Variants in PLIN4 observed in about 807,000 individuals in gnomAD.
PLIN4 encodes the protein perilipin-4.
PLIN4 carries 57 observed loss-of-function variants against 52.4 expected under a neutral mutation model. The ratio of observed to expected loss-of-function variants is 1.09; its 90% CI spans 0.88 to 1.36. The LOEUF (loss-of-function observed/expected upper bound fraction) is 1.36. Ranked by LOEUF, PLIN4 falls within the 40% of genes most tolerant of loss-of-function variation. The probability of loss-of-function intolerance (pLI) is 0.00; values close to 1 mark genes in which losing one functional copy is unlikely to be tolerated. For synonymous variants in PLIN4, 826 were observed against 785.4 expected (o/e 1.05, Z -0.86); for missense variants, 1,757 against 1,770.3 (o/e 0.99, Z 0.13).
In PLIN4 at chr19:4,511,548, G is replaced by A. The variant is rs368212787; in HGVS notation, c.2412C>T (p.Thr804=). The A allele has an allele frequency of 8.2e-5, 122 of 1,479,310 alleles. No homozygotes were observed. The South Asian group carries it at 1.2e-3, about 14-fold the overall frequency. The allele number at this position is 1,479,310 out of a possible 1,614,324, so 91.6% of individuals were successfully genotyped here. A position where few individuals can be genotyped will look rare whatever the true frequency, so the allele number is the denominator to read the frequency against. ...GTKDAVCSGV[T]GAANVAKGAV... is the part of the protein sequence containing the mutation. ...CCCCCTTGGCCACATTCGCAGCACC[G>A]GTCACCCCACTGCACACAGCATCCT... Residue 804 remains threonine (T), a synonymous_variant, in exon 5 of 8, where the codon ACC becomes ACT. Transcript: ENST00000301286.
At chr19:4,507,771 T>G (rs191958810) in intron 6 of PLIN4, among the ~76,000 whole-genome samples, 2 of 152,080 alleles carry the variant, frequency 1.3e-5, no homozygotes, top group Non-Finnish European at 2.9e-5. Context: ...AGAGGAAATG[T>G]TGGCCCTCAG....
rs200701465 is a variant in PLIN4, at chr19:4,511,698, A to G, written c.2262T>C (p.Thr754=). The G allele has an allele frequency of 7.2e-6, 7 of 965,736 alleles. No homozygotes were observed. The highest frequency in any genetic ancestry group is 2.1e-5 in the African/African-American group (1 of 47,998). 59.8% of individuals were successfully genotyped at this position (965,736 alleles called of 1,614,324 possible). A position where few individuals can be genotyped will look rare whatever the true frequency, so the allele number is the denominator to read the frequency against. ...AKGAIQGGLD[T]TKSVLTGTKD... ...TAGTGCCAGTCAGGACAGACTTTGT[A>G]GTGTCCAGGCCCCCTTGGATGGCCC... is the stretch of plus-strand genomic sequence containing the variant. The change falls in exon 5 of 8, where the codon ACT becomes ACC. Residue 754 remains threonine, a synonymous_variant. Coordinates refer to ENST00000301286, the MANE Select transcript of PLIN4 (RefSeq NM_001367868.2).
chr19:4,510,688 C>G lies in PLIN4; in HGVS notation c.3272G>C (p.Gly1091Ala). ...GAGCACATCCGGGGGCGTGGAGATG[C>G]CAGAGAACGGGGCCTCTTGGGGGCT... is the stretch of plus-strand genomic sequence containing the variant. The part of the protein sequence containing the change: ...ALSPQEAPFS[G>A]ISTPPDVLSV... Residue 1091 changes from glycine to alanine, a missense_variant, in exon 5 of 8, where the codon GGC (glycine) becomes GCC (alanine). Around this residue, in one of 7 missense-constraint regions of PLIN4, gnomAD observed 712 missense variants for 637.1 expected, o/e 1.12. Coordinates refer to ENST00000301286, the MANE Select transcript of PLIN4 (RefSeq NM_001367868.2). The G allele has an allele frequency of 2.0e-6, 3 of 1,521,198 alleles. No individual in the cohort carries two copies. Among genetic ancestry groups the G allele is most frequent in the Non-Finnish European group, 8.8e-7 (1 of 1,138,010 alleles). The allele number at this position is 1,521,198 out of a possible 1,614,324, so 94.2% of individuals were successfully genotyped here.
intron 6 of PLIN4, among the ~76,000 whole-genome samples, chr19:4,506,361 G>T (rs1294878476): frequency 1.3e-5 from 2 of 152,140 alleles, no homozygotes; most frequent in African/African-American, 2.4e-5. Context: ...CCATTCTGAC[G>T]CACTCCCTCT....
At chr19:4,518,122 C>T (rs117199204) in intron 2 of PLIN4, 100 bp downstream of exon 2, 17,447 of 1,038,024 alleles carry the variant, frequency 0.017, 179 homozygotes, top group Middle Eastern at 0.044. Flanking sequence ...CAGGGAAGCA[C>T]CTCTCCAGAT....
intron 6 of PLIN4, among the ~76,000 whole-genome samples, chr19:4,505,989 A>G (rs1976081632): frequency 1.3e-5 from 2 of 151,744 alleles, no homozygotes; most frequent in African/African-American, 4.8e-5. Context: ...TGACTTCGAA[A>G]CACCCAGAGC....
At position 4,511,026 on chromosome 19, in the gene PLIN4, G is replaced by A. The variant is rs77772720; in HGVS notation, c.2934C>T (p.Thr978=). 0.016 allele frequency: 26,555 copies of A among 1,613,116 alleles called. 372 individuals carry two copies. The highest frequency in any genetic ancestry group is 0.045 in the South Asian group (4,083 of 91,064). The change falls in exon 5 of 8, where the codon ACC becomes ACT. Residue 978 remains threonine (T), a synonymous_variant. Transcript: ENST00000301286. ...TGGAGGCGTCCACGCCGGTCTGCAC[G>A]GTTCCTTTGGCCACATTCACTGCCC... The part of the protein sequence containing the change: ...VTGAVNVAKG[T]VQTGVDASKA...
chr19:4,511,037 C>A lies in PLIN4; in HGVS notation c.2923G>T (p.Ala975Ser). The A allele has an allele frequency of 6.2e-7, 1 of 1,613,476 alleles. No homozygotes were observed. The highest frequency in any genetic ancestry group is 8.5e-7 in the Non-Finnish European group (1 of 1,179,864). Residue 975 changes from alanine (A) to serine (S), a missense_variant, in exon 5 of 8, where the codon GCC (alanine) becomes TCC (serine). Physicochemically the swap from Ala to Ser is moderately conservative, Grantham distance 99. Coordinates refer to ENST00000301286, the MANE Select transcript of PLIN4 (RefSeq NM_001367868.2). ...ACGCCGGTCTGCACGGTTCCTTTGG[C>A]CACATTCACTGCCCCCGTGACTCCA... The part of the protein sequence containing the change: ...TTGVTGAVNV[A>S]KGTVQTGVDA...
At position 4,512,170 on chromosome 19, in the gene PLIN4, G is replaced by C. The variant is rs372544627; in HGVS notation, c.1790C>G (p.Thr597Ser). ...VDTAKTVLTG[T>S]KDTVTTGLVG... The stretch of plus-strand genomic sequence containing the variant: ...GAGCCCAGTAGTCACTGTGTCCTTG[G>C]TGCCGGTCAGCACGGTCTTGGCTGT... The change falls in exon 5 of 8, where the codon ACC becomes AGC. Residue 597 changes from threonine to serine, a missense_variant. Physicochemically the swap from Thr to Ser is moderately conservative, Grantham distance 58. Around this residue, in one of 7 missense-constraint regions of PLIN4, gnomAD observed 439 missense variants for 406.4 expected, o/e 1.08. Transcript: ENST00000301286. 1.9e-6 allele frequency: 3 copies of C among 1,611,340 alleles called. No individual in the cohort carries two copies. The highest frequency in any genetic ancestry group is 2.7e-5 in the African/African-American group (2 of 73,656).
intron 6 of PLIN4, 68 bp from the exon 7 acceptor site, chr19:4,505,015 C>T: frequency 7.0e-7 from 1 of 1,432,550 alleles, no homozygotes; most frequent in Non-Finnish European, 9.5e-7. Context: ...CCCCACCTCC[C>T]CCTCCCCCAG....
chr19:4,518,187 C>G (rs1398196790), intron 2 of PLIN4, 35 bp downstream of exon 2: 17 of 1,231,736 alleles, frequency 1.4e-5, no homozygotes, highest in Non-Finnish European at 1.7e-5. Context: ...CATCTCCAGG[C>G]CCCAGCAAGA....
At chr19:4,510,075 G>C (rs1404107428) in intron 5 of PLIN4, among the ~76,000 whole-genome samples, 2 of 140,370 alleles carry the variant, frequency 1.4e-5, no homozygotes, top group Admixed American at 7.1e-5. Context: ...TAAAAAAAAA[G>C]TCAAGGGCCC....
In PLIN4 at chr19:4,513,689, C is replaced by G; in HGVS notation, c.271G>C (p.Ala91Pro). The G allele has an allele frequency of 6.3e-7, 1 of 1,576,910 alleles. No individual in the cohort carries two copies. Among genetic ancestry groups the G allele is most frequent in the South Asian group, 1.2e-5 (1 of 85,350 alleles). ...LQPSEKMVSG[A>P]KDLVCSKMSR... ...ATCTTGGAACACACCAGGTCTTTGG[C>G]CCCGGACACCATCTGCTGAGAAAGG... Residue 91 changes from alanine to proline, a missense_variant, in exon 5 of 8, where the codon GCC becomes CCC. Coordinates refer to ENST00000301286, the MANE Select transcript of PLIN4 (RefSeq NM_001367868.2).
chr19:4,510,869 A>C lies in PLIN4; in HGVS notation c.3091T>G (p.Ser1031Ala). 6.2e-7 allele frequency: 1 copy of C among 1,613,208 alleles called. No individual in the cohort carries two copies. The highest frequency in any genetic ancestry group is 8.5e-7 in the Non-Finnish European group (1 of 1,179,694). ...TTCCCTGACCCCATGAGCCCAGCGG[A>C]CACTGCGTCTTTGGTTCCGGTCAGC... ...TVLTGTKDAV[S>A]AGLMGSGNVA... is the part of the protein sequence containing the mutation. The change falls in exon 5 of 8, where the codon TCC becomes GCC. Residue 1031 changes from serine to alanine, a missense_variant. Coordinates refer to ENST00000301286, the MANE Select transcript of PLIN4 (RefSeq NM_001367868.2).
chr19:4,510,786 A>G lies in PLIN4; in HGVS notation c.3174T>C (p.Ser1058=). ...GTCCACCCCAGGAGGTGGCGGGGGT[A>G]CTAGGTAACCAGTTCTGGAAGGTGC... ...GLSTFQNWLP[S]TPATSWGGLT... Residue 1058 remains serine, a synonymous_variant, in exon 5 of 8, where the codon AGT becomes AGC. Coordinates refer to ENST00000301286, the MANE Select transcript of PLIN4 (RefSeq NM_001367868.2). The G allele has an allele frequency of 6.3e-7, 1 of 1,591,270 alleles. No homozygotes were observed. The highest frequency in any genetic ancestry group is 8.6e-7 in the Non-Finnish European group (1 of 1,165,738).
chr19:4,502,270 C>G lies in PLIN4; in HGVS notation c.*2189G>C, dbSNP rs13041. ...GGTGCAGTGGGGGCCTGAGCTGGGGCGCAGGCGGCAGTGTCACTGGGCCCG... is the reference window on the plus strand; with the variant it reads ...GGTGCAGTGGGGGCCTGAGCTGGGGGGCAGGCGGCAGTGTCACTGGGCCCG... On this transcript the variant is annotated 3_prime_UTR_variant, in exon 8 of 8. Transcript: ENST00000301286. 3.6e-6 allele frequency: 2 copies of G among 560,640 alleles called. No homozygotes were observed. The highest frequency in any genetic ancestry group is 6.5e-6 in the Non-Finnish European group (2 of 308,936). The allele number at this position is 560,640 out of a possible 1,614,324, so 34.7% of individuals were successfully genotyped here.
At chr19:4,507,737 C>T (rs762079973) in intron 6 of PLIN4, among the ~76,000 whole-genome samples, 5 of 152,148 alleles carry the variant, frequency 3.3e-5, no homozygotes, top group Non-Finnish European at 7.3e-5. Context: ...AGATTTCTGC[C>T]TCCCGGGCTG....
rs1976267599 is a variant in PLIN4, at chr19:4,510,624, A to C, written c.3336T>G (p.Thr1112=). ...CCACGTCAGTCGCAAGGCCCTTGGT[A>C]GTGGCTGCGGCTTCCCAGGCAGGCT... The part of the protein sequence containing the change: ...GPEPAWEAAA[T]TKGLATDVAT... Residue 1112 remains threonine, a synonymous_variant, in exon 5 of 8, where the codon ACT becomes ACG. Coordinates refer to ENST00000301286, the MANE Select transcript of PLIN4 (RefSeq NM_001367868.2). 2.0e-6 allele frequency: 3 copies of C among 1,507,538 alleles called. No homozygotes were observed. The South Asian group carries it at 4.1e-5, about 20-fold the overall frequency. 93.4% of individuals were successfully genotyped at this position (1,507,538 alleles called of 1,614,324 possible). A position where few individuals can be genotyped will look rare whatever the true frequency, so the allele number is the denominator to read the frequency against.
Position 4,510,736 on chromosome 19 carries a change from T to C in PLIN4, c.3224A>G (p.Asn1075Ser), listed in dbSNP as rs369201352. The change falls in exon 5 of 8, where the codon AAT becomes AGT. Residue 1075 changes from asparagine (N) to serine (S), a missense_variant. Asn to Ser is a conservative substitution (Grantham distance 46). Transcript: ENST00000301286. Reference protein sequence around the residue: ...GGLTSSRTTDNGGEQTALSPQ... With the variant: ...GGLTSSRTTDSGGEQTALSPQ... ...GCTCAGGGCAGTCTGCTCCCCACCA[T>C]TGTCTGTGGTCCTGGAACTGGTGAG... The C allele has an allele frequency of 7.8e-6, 12 of 1,547,652 alleles. No homozygotes were observed. In the African/African-American group the frequency reaches 1.6e-4, roughly 21 times the overall value.
Sources: allele counts gnomAD v4.1 joint callset (sites outside exome capture counted in the v4.1 genomes callset), GRCh38; gene constraint gnomAD v4.1.1; regional missense constraint gnomAD v4.1.1; transcripts MANE v1.5; gene names NCBI Gene and HGNC (gene_info 2026-07-23, HGNC 2026-07-21).